Variants in FGF13 observed in about 807,000 individuals in gnomAD.
FGF13 encodes the protein fibroblast growth factor 13, also known as fibroblast growth factor homologous factor 2.
A neutral mutation model predicts 19.5 loss-of-function variants in FGF13; 2 were observed. The ratio of observed to expected loss-of-function variants is 0.10; its 90% CI spans 0.04 to 0.32. The LOEUF is 0.32. Among genes scored for constraint, FGF13 ranks in the 10% least tolerant of loss-of-function variants. The pLI is 1.00. For missense variants in FGF13, 113 were observed against 192.7 expected (o/e 0.59, Z 2.45); for synonymous variants, 72 against 76.9 (o/e 0.94, Z 0.33).
chrX:139,003,468 C>T (rs973882501), intron 1 of FGF13, among the ~76,000 whole-genome samples: 3 of 111,832 alleles, frequency 2.7e-5, no homozygotes, highest in Non-Finnish European at 5.6e-5. Flanking sequence ...AATGCTGGCT[C>T]GGGCAGCCTG....
chrX:138,675,629 TTTTGA>T (rs1285230800), intron 3 of FGF13, among the ~76,000 whole-genome samples: 2 of 111,545 alleles, frequency 1.8e-5, no homozygotes, highest in African/African-American at 3.3e-5. Flanking sequence ...ATTTATTCTA[TTTTGA>T]TTTATTATTC....
chrX:138,877,355 G>A (rs1348490014), intron 1 of FGF13, among the ~76,000 whole-genome samples: 2 of 111,782 alleles, frequency 1.8e-5, no homozygotes, highest in African/African-American at 3.3e-5. Flanking sequence ...AGAAAAAGAC[G>A]TGAAAACACT....
chrX:138,676,625 C>T (rs915275152), intron 3 of FGF13, among the ~76,000 whole-genome samples: 1 of 111,099 alleles, frequency 9.0e-6, no homozygotes, highest in Non-Finnish European at 1.9e-5. Flanking sequence ...GTGGTGGAAG[C>T]GGTGAGGGTT....
downstream of FGF13, among the ~76,000 whole-genome samples, chrX:138,854,500 A>C (rs1264924720): frequency 1.8e-5 from 2 of 111,463 alleles, no homozygotes; most frequent in Non-Finnish European, 3.8e-5. Context: ...AAATCTTAAG[A>C]GGTCATAAAC....
rs1320473711 is a variant in FGF13, at chrX:138,617,175, A to C, written c.*15675T>G. ...CGCATTTGTCAATACACATGAATTGATATACCTAACAGGTTTGTATATGAT... is the reference window on the plus strand; with the variant it reads ...CGCATTTGTCAATACACATGAATTGCTATACCTAACAGGTTTGTATATGAT... On this transcript the variant is annotated 3_prime_UTR_variant, in exon 5 of 5. Coordinates refer to ENST00000315930, the MANE Select transcript of FGF13 (RefSeq NM_004114.5). The C allele has an allele frequency of 3.6e-5, 4 of 111,815 alleles. No individual in the cohort carries two copies. Among genetic ancestry groups the C allele is most frequent in the Non-Finnish European group, 5.6e-5 (3 of 53,232 alleles). The allele number at this position is 111,815 out of a possible 1,213,427, so 9.2% of individuals were successfully genotyped here.
intron 1 of FGF13, among the ~76,000 whole-genome samples, chrX:138,973,197 T>C (rs1016931326): frequency 4.5e-5 from 5 of 111,847 alleles, no homozygotes; most frequent in South Asian, 3.7e-4. Flanking sequence ...TAGGCTTTTG[T>C]ATGTTGTGTT....
chrX:139,083,744 G>A (rs1042418399), intron 1 of FGF13, among the ~76,000 whole-genome samples: 6 of 111,258 alleles, frequency 5.4e-5, no homozygotes, highest in Admixed American at 1.9e-4. Context: ...GGTGGCATGC[G>A]CCTGTAGTTC....
At chrX:138,750,534 T>A (rs1349633032) in intron 3 of FGF13, among the ~76,000 whole-genome samples, 2 of 111,416 alleles carry the variant, frequency 1.8e-5, no homozygotes, top group Non-Finnish European at 3.8e-5. Context: ...TGGATTTTTT[T>A]AACATTTTTA....
intron 1 of FGF13, among the ~76,000 whole-genome samples, chrX:138,909,331 A>G (rs769635748): frequency 7.2e-5 from 8 of 111,615 alleles, no homozygotes; most frequent in Non-Finnish European, 1.5e-4. Context: ...TTATGCCACG[A>G]TCTCGGCTCC....
chrX:138,974,860 TA>T (rs1165575096), intron 1 of FGF13, among the ~76,000 whole-genome samples: 1 of 112,500 alleles, frequency 8.9e-6, no homozygotes, highest in Non-Finnish European at 1.9e-5. Context: ...TCATATGCGG[TA>T]CCTGTTTTCA....
chrX:139,087,863 T>C lies in FGF13; in HGVS notation c.-113+115553A>G, dbSNP rs763521140. On this transcript the variant is annotated intron_variant, in intron 1 of 2. Coordinates refer to the FGF13 transcript ENST00000421460. ...TTTCCATCAACAGCCAAGAAAATTA[T>C]ACCTTACTTGATCTTTGTATAGATT... Among the ~76,000 whole-genome samples, 199 of 112,278 alleles carry C rather than the reference T, an allele frequency of 1.8e-3. 2 individuals carry two copies. Among genetic ancestry groups the C allele is most frequent in the Admixed American group, 4.1e-3 (43 of 10,599 alleles).
At chrX:138,734,512 G>A (rs1007863494) in intron 1 of FGF13, among the ~76,000 whole-genome samples, 3 of 111,715 alleles carry the variant, frequency 2.7e-5, no homozygotes, top group Non-Finnish European at 3.8e-5. Context: ...GAAAGTTTTG[G>A]ATGAGTGTCA....
rs190403225 is a variant in FGF13, at chrX:138,798,476, G to C, written c.217+59036C>G. ...GGATTCGGTTTACCAGTATTTGATT[G>C]AGGAATTTCACATCGATGTTCATCA... On this transcript the variant is annotated intron_variant, in intron 3 of 6. Transcript: ENST00000436198. Among the ~76,000 whole-genome samples the C allele has an allele frequency of 4.8e-3, 535 of 111,905 alleles. 3 individuals are homozygous for C. Among genetic ancestry groups the C allele is most frequent in the African/African-American group, 0.017 (514 of 30,837 alleles).
chrX:139,160,281 T>C (rs1021495321), intron 1 of FGF13, among the ~76,000 whole-genome samples: 1 of 111,998 alleles, frequency 8.9e-6, no homozygotes, highest in African/African-American at 3.3e-5. Flanking sequence ...AAATAACTTC[T>C]TTGAAACCAA....
At chrX:139,199,437 A>G (rs969646920) in intron 1 of FGF13, among the ~76,000 whole-genome samples, 6 of 112,433 alleles carry the variant, frequency 5.3e-5, no homozygotes, top group Non-Finnish European at 1.1e-4. Context: ...AAGAACTGCA[A>G]CACATTCTGG....
intron 1 of FGF13, among the ~76,000 whole-genome samples, chrX:138,732,080 G>A (rs932435892): frequency 2.7e-5 from 3 of 111,302 alleles, no homozygotes; most frequent in Non-Finnish European, 5.7e-5. Flanking sequence ...GAAAATAATT[G>A]ACAACCCTAA....
chrX:138,651,543 A>C (rs921928698), intron 3 of FGF13, among the ~76,000 whole-genome samples: 2 of 111,915 alleles, frequency 1.8e-5, no homozygotes, highest in African/African-American at 6.5e-5. Flanking sequence ...GTGCTTAGGA[A>C]GATACTTTAT....
chrX:138,800,227 A>C (rs1234293374), intron 3 of FGF13, among the ~76,000 whole-genome samples: 1 of 110,882 alleles, frequency 9.0e-6, no homozygotes, highest in East Asian at 2.8e-4. Context: ...TTTCCTTTCC[A>C]TATTTAGTGC....
At chrX:138,843,534 G>C (rs934772303) in intron 3 of FGF13, among the ~76,000 whole-genome samples, 1 of 111,873 alleles carries the variant, frequency 8.9e-6, no homozygotes, top group Non-Finnish European at 1.9e-5. Context: ...TATTTCAATA[G>C]ATGTTTTGGG....
Sources: gnomAD v4.1 joint callset for allele counts (sites outside exome capture counted in the v4.1 genomes callset) on GRCh38, gnomAD v4.1.1 for gene constraint, MANE v1.5 for transcripts, NCBI Gene and HGNC (gene_info 2026-07-23, HGNC 2026-07-21) for gene names.